The following EBF1 variants were observed in gnomAD, a reference collection of about 807,000 sequenced individuals.
EBF1 encodes the protein transcription factor COE1.
EBF1 carries 10 observed loss-of-function variants against 68.4 expected under a neutral mutation model. That is an observed-to-expected ratio of 0.15 (90% CI 0.09 to 0.25). EBF1 has a LOEUF of 0.25. Ranked by LOEUF, EBF1 falls within the 10% of genes least tolerant of loss-of-function variation. The probability of loss-of-function intolerance (pLI) is 1.00; values close to 1 mark genes in which losing one functional copy is unlikely to be tolerated. For missense variants in EBF1, 509 were observed against 794.4 expected, an observed-to-expected ratio of 0.64 and a Z score of 4.32; for synonymous variants, 298 against 299.8, an observed-to-expected ratio of 0.99 and a Z score of 0.06.
intron 6 of EBF1, among the ~76,000 whole-genome samples, chr5:158,940,908 A>G (rs1813208476): frequency 6.6e-6 from 1 of 152,086 alleles, no homozygotes; most frequent in Admixed American, 6.5e-5. Flanking sequence ...GAAACCAATT[A>G]TGATTATAAT....
chr5:159,011,504 G>C (rs997409459), intron 6 of EBF1, among the ~76,000 whole-genome samples: 13 of 152,164 alleles, frequency 8.5e-5, no homozygotes, highest in Admixed American at 3.3e-4. Context: ...TGGTAAGTTT[G>C]GGGGGCTGGT....
At chr5:158,750,201 C>A (rs1421349756) in intron 10 of EBF1, among the ~76,000 whole-genome samples, 2 of 152,116 alleles carry the variant, frequency 1.3e-5, no homozygotes, top group Non-Finnish European at 2.9e-5. Context: ...TGTCATTAAG[C>A]ACCTACCATT....
At chr5:158,814,528 CCA>C (rs960206111) in intron 8 of EBF1, among the ~76,000 whole-genome samples, 6 of 152,122 alleles carry the variant, frequency 3.9e-5, no homozygotes, top group African/African-American at 9.7e-5. Context: ...TGGAAATTTC[CCA>C]CAGTTTACAG....
chr5:158,760,886 C>A (rs1266820404), intron 10 of EBF1, among the ~76,000 whole-genome samples: 3 of 152,156 alleles, frequency 2.0e-5, no homozygotes, highest in Admixed American at 6.6e-5. Context: ...TTCCGGTACA[C>A]TAAATAAGAT....
intron 10 of EBF1, among the ~76,000 whole-genome samples, chr5:158,752,566 C>G (rs544440723): frequency 6.6e-6 from 1 of 152,144 alleles, no homozygotes; most frequent in East Asian, 1.9e-4. Context: ...GAAATAAGAA[C>G]AGTCTACAAT....
chr5:159,057,531 C>T (rs1293406634), intron 6 of EBF1, among the ~76,000 whole-genome samples: 1 of 152,188 alleles, frequency 6.6e-6, no homozygotes, highest in Non-Finnish European at 1.5e-5. Flanking sequence ...TTGTACCCTT[C>T]CCTAAGGCTG....
intron 6 of EBF1, among the ~76,000 whole-genome samples, chr5:158,991,042 A>G (rs1315360280): frequency 6.6e-6 from 1 of 152,256 alleles, no homozygotes. Context: ...AGTAACAGAC[A>G]TCGTAGGGAA....
In EBF1 at chr5:158,819,387, G is replaced by A. The variant is rs773350502; in HGVS notation, c.778+3789C>T. On this transcript the variant is annotated intron_variant, in intron 8 of 15. Coordinates refer to ENST00000313708, the MANE Select transcript of EBF1 (RefSeq NM_024007.5). ...GATCATTAGATAATAAAGTGTTAGC[G>A]CATGCAAGCTGACAGGGGCTCTGCA... Among the ~76,000 whole-genome samples the A allele has an allele frequency of 1.6e-4, 24 of 152,214 alleles. 1 individual carries two copies. Among genetic ancestry groups the A allele is most frequent in the Non-Finnish European group, 3.1e-4 (21 of 68,042 alleles).
chr5:159,061,503 T>A (rs1775813641), intron 6 of EBF1, among the ~76,000 whole-genome samples: 1 of 152,082 alleles, frequency 6.6e-6, no homozygotes, highest in South Asian at 2.1e-4. Context: ...AAAATTAAAC[T>A]ATGACAAATC....
At chr5:158,792,769 T>C (rs1024938077) in intron 9 of EBF1, among the ~76,000 whole-genome samples, 1 of 152,210 alleles carries the variant, frequency 6.6e-6, no homozygotes, top group African/African-American at 2.4e-5. Flanking sequence ...TGCCCTAGCG[T>C]AGGCATGTAT....
At position 158,917,863 on chromosome 5, in the gene EBF1, A is replaced by G. The variant is rs373861628; in HGVS notation, c.555-77753T>C. On this transcript the variant is annotated intron_variant, in intron 6 of 15. Transcript: ENST00000313708. ...TTAAATAAGTTTCCTGAGGCCATGC[A>G]GCAAAGAGGAAAGGCTGGAGCTAGA... Among the ~76,000 whole-genome samples the G allele has an allele frequency of 2.2e-4, 33 of 152,290 alleles. No individual in the cohort carries two copies. The South Asian group carries it at 2.5e-3, about 11-fold the overall frequency.
intron 7 of EBF1, among the ~76,000 whole-genome samples, chr5:158,829,259 C>T (rs1786914877): frequency 6.6e-6 from 1 of 152,060 alleles, no homozygotes; most frequent in Non-Finnish European, 1.5e-5. Flanking sequence ...TTACTGCAAC[C>T]TCTGCGTCCC....
chr5:158,941,314 G>A (rs1813325238), intron 6 of EBF1: 1 of 451,784 alleles, frequency 2.2e-6, no homozygotes, highest in African/African-American at 2.0e-5. Flanking sequence ...AACCTCTCAA[G>A]CATAAATTCT....
intron 10 of EBF1, among the ~76,000 whole-genome samples, chr5:158,748,506 T>A (rs147274484): frequency 5.8e-4 from 88 of 152,324 alleles, no homozygotes; most frequent in African/African-American, 2.0e-3. Context: ...CAGTTAACTA[T>A]CTTCGGATTC....
intron 6 of EBF1, among the ~76,000 whole-genome samples, chr5:159,035,854 C>T (rs1167225889): frequency 1.3e-5 from 2 of 152,188 alleles, no homozygotes; most frequent in Non-Finnish European, 2.9e-5. Context: ...TTGTGATAAT[C>T]ACTCACTCCC....
rs899952857 is a variant in EBF1 at position 159,098,905 on chromosome 5, A to G, written c.134+440T>C. ...AGAAAAAAAGAAAGAAAAAGAAAAA[A>G]GAAAGAAAAAGGAAGGAAGGAAGAG... is the stretch of plus-strand genomic sequence containing the variant. On this transcript the variant is annotated intron_variant, in intron 1 of 15. Coordinates refer to ENST00000313708, the MANE Select transcript of EBF1 (RefSeq NM_024007.5). Among the ~76,000 whole-genome samples, 9 of 151,956 alleles carry G rather than the reference A, an allele frequency of 5.9e-5. 1 individual carries two copies. The highest frequency in any genetic ancestry group is 2.1e-4 in the South Asian group (1 of 4,830).
chr5:158,750,091 AG>A (rs1289150856), intron 10 of EBF1, among the ~76,000 whole-genome samples: 1 of 152,138 alleles, frequency 6.6e-6, no homozygotes, highest in Non-Finnish European at 1.5e-5. Context: ...GGCTAGAAAG[AG>A]GTTGGAGAGA....
intron 8 of EBF1, among the ~76,000 whole-genome samples, chr5:158,799,234 C>T (rs1009192079): frequency 2.0e-5 from 3 of 151,982 alleles, no homozygotes; most frequent in African/African-American, 7.2e-5. Context: ...TCAAGACTGG[C>T]CCAGGCAACA....
In EBF1 at chr5:159,000,518, A is replaced by T. The variant is rs181948105; in HGVS notation, c.554+72878T>A. Among the ~76,000 whole-genome samples, 4 of 152,324 alleles carry T rather than the reference A, an allele frequency of 2.6e-5. No homozygotes were observed. The East Asian group carries it at 7.7e-4, about 29-fold the overall frequency. ...ACAACTGACAAACTATGGCTTTTCA[A>T]ACTTGTGTATTGCAAACATTTTCTC... is the stretch of plus-strand genomic sequence containing the variant. On this transcript the variant is annotated intron_variant, in intron 6 of 15. Coordinates refer to ENST00000313708, the MANE Select transcript of EBF1 (RefSeq NM_024007.5).
Sources: gnomAD v4.1 joint callset for allele counts (sites outside exome capture counted in the v4.1 genomes callset) on GRCh38, gnomAD v4.1.1 for gene constraint, MANE v1.5 for transcripts, NCBI Gene and HGNC (gene_info 2026-07-23, HGNC 2026-07-21) for gene names.